The following GRM8 variants were observed in gnomAD, a reference collection of about 807,000 sequenced individuals.
The protein encoded by GRM8 is metabotropic glutamate receptor 8.
Under a neutral mutation model 87.2 loss-of-function variants are expected in GRM8, and 47 were observed. That is an observed-to-expected ratio of 0.54 (90% CI 0.43 to 0.69). The LOEUF (loss-of-function observed/expected upper bound fraction) is 0.69, where lower values mean the gene tolerates loss of function less well. Among genes scored for constraint, GRM8 ranks in the 30% least tolerant of loss-of-function variants. The pLI is 0.00. For missense variants in GRM8, 1,019 were observed against 1,139.2 expected, an observed-to-expected ratio of 0.89 and a Z score of 1.52; for synonymous variants, 396 against 404.5, an observed-to-expected ratio of 0.98 and a Z score of 0.25.
At chr7:127,056,711 T>G (rs1820027626) in intron 3 of GRM8, among the ~76,000 whole-genome samples, 2 of 152,358 alleles carry the variant, frequency 1.3e-5, no homozygotes, top group South Asian at 4.1e-4. Flanking sequence ...CTTTGCTTGT[T>G]TAATGTGTAA....
chr7:127,080,193 A>AT (rs1822710596), intron 3 of GRM8, among the ~76,000 whole-genome samples: 1 of 152,300 alleles, frequency 6.6e-6, no homozygotes, highest in East Asian at 1.9e-4. Flanking sequence ...AAAGGTCATC[A>AT]TAAAAAAAAG....
rs1818934957 is a variant in GRM8 at position 127,046,393 on chromosome 7, A to AT, written c.727+60102_727+60103insA. 2.6e-5 allele frequency among the ~76,000 whole-genome samples: 4 copies of AT among 152,292 alleles called. No homozygotes were observed. The South Asian group carries it at 8.3e-4, about 32-fold the overall frequency. ...TCTCAAAAAAAATAAAAAATAAAAA[A>AT]AAAAGAAAATCATTTTTTCTGTTAC... On this transcript the variant is annotated intron_variant, in intron 3 of 10. Coordinates refer to ENST00000339582, the MANE Select transcript of GRM8 (RefSeq NM_000845.3).
At chr7:126,486,362 C>A (rs564791170) in intron 9 of GRM8, among the ~76,000 whole-genome samples, 1 of 152,134 alleles carries the variant, frequency 6.6e-6, no homozygotes, top group Admixed American at 6.5e-5. Flanking sequence ...GTTCAGTATG[C>A]ATGTGTCAGG....
chr7:126,785,285 CTCTTTCGG>C (rs1316788945), intron 6 of GRM8, among the ~76,000 whole-genome samples: 1 of 152,124 alleles, frequency 6.6e-6, no homozygotes, highest in East Asian at 1.9e-4. Flanking sequence ...GTAAAACACC[CTCTTTCGG>C]TCAAGCTCTT....
At chr7:126,910,030 G>T (rs1445869130) in intron 3 of GRM8, among the ~76,000 whole-genome samples, 1 of 151,686 alleles carries the variant, frequency 6.6e-6, no homozygotes, top group Non-Finnish European at 1.5e-5. Context: ...CCTGCCAGTT[G>T]TCCCTTGTAA....
intron 6 of GRM8, among the ~76,000 whole-genome samples, chr7:126,830,458 T>G (rs78886779): frequency 6.6e-6 from 1 of 152,244 alleles, no homozygotes; most frequent in African/African-American, 2.4e-5. Flanking sequence ...TCATTTCATC[T>G]TCCATCACTA....
chr7:126,507,103 A>C (rs529530005), intron 9 of GRM8, among the ~76,000 whole-genome samples: 1 of 151,984 alleles, frequency 6.6e-6, no homozygotes, highest in South Asian at 2.1e-4. Flanking sequence ...TCTCGTGGCA[A>C]TATGCTTTCT....
At chr7:127,161,888 G>A (rs1793140212) in intron 2 of GRM8, among the ~76,000 whole-genome samples, 2 of 151,958 alleles carry the variant, frequency 1.3e-5, no homozygotes, top group African/African-American at 4.8e-5. Flanking sequence ...CTGATTATAC[G>A]ATGTACCCTT....
chr7:126,657,423 C>G (rs558920329), intron 7 of GRM8, among the ~76,000 whole-genome samples: 1 of 152,052 alleles, frequency 6.6e-6, no homozygotes, highest in Non-Finnish European at 1.5e-5. Flanking sequence ...CAACCCCCCC[C>G]CAAAAAAGTC....
At chr7:126,828,311 G>A (rs1795020221) in intron 6 of GRM8, among the ~76,000 whole-genome samples, 1 of 152,130 alleles carries the variant, frequency 6.6e-6, no homozygotes, top group African/African-American at 2.4e-5. Context: ...TTGTACCTCT[G>A]GTAGAATTCG....
At chr7:126,440,428 A>AG (rs994452980) in intron 10 of GRM8, among the ~76,000 whole-genome samples, 3 of 150,990 alleles carry the variant, frequency 2.0e-5, no homozygotes, top group African/African-American at 7.3e-5. Flanking sequence ...AAAAAAAAAA[A>AG]AAAAAATTTA....
intron 6 of GRM8, among the ~76,000 whole-genome samples, chr7:126,833,999 G>A (rs911946874): frequency 6.6e-6 from 1 of 152,124 alleles, no homozygotes; most frequent in Non-Finnish European, 1.5e-5. Context: ...AAGCAGAAGG[G>A]ATTGCTTGCA....
chr7:126,982,852 T>C (rs1294049771), intron 3 of GRM8, among the ~76,000 whole-genome samples: 1 of 152,200 alleles, frequency 6.6e-6, no homozygotes, highest in Non-Finnish European at 1.5e-5. Flanking sequence ...GACCCAAACC[T>C]TCATTCCTGA....
chr7:127,174,047 C>T (rs1437955631), intron 2 of GRM8, among the ~76,000 whole-genome samples: 1 of 152,100 alleles, frequency 6.6e-6, no homozygotes, highest in Non-Finnish European at 1.5e-5. Context: ...GGAATGAACA[C>T]CAGAAACATT....
At chr7:127,131,432 T>G (rs187023542) in intron 2 of GRM8, among the ~76,000 whole-genome samples, 2 of 152,324 alleles carry the variant, frequency 1.3e-5, no homozygotes, top group Non-Finnish European at 1.5e-5. Flanking sequence ...TTTTGATTTT[T>G]GATATAAAGC....
chr7:126,446,480 C>T (rs1447236428), intron 9 of GRM8, 108 bp from the exon 10 acceptor site: 2 of 686,354 alleles, frequency 2.9e-6, no homozygotes, highest in East Asian at 2.7e-5. Flanking sequence ...GCTAAAGGCA[C>T]ATTAAAAGGC....
At chr7:127,251,797 A>C (rs1004313350) in intron 1 of GRM8, among the ~76,000 whole-genome samples, 18 of 152,112 alleles carry the variant, frequency 1.2e-4, no homozygotes, top group African/African-American at 4.3e-4. Context: ...TTGCTTTTTA[A>C]ACAAGATCCC....
intron 8 of GRM8, among the ~76,000 whole-genome samples, chr7:126,574,139 C>G (rs1461861382): frequency 1.3e-5 from 2 of 152,186 alleles, no homozygotes; most frequent in Admixed American, 1.3e-4. Context: ...GACACTGTTA[C>G]CATCACCCAC....
chr7:126,998,687 C>A (rs1813418691), intron 3 of GRM8, among the ~76,000 whole-genome samples: 1 of 150,656 alleles, frequency 6.6e-6, no homozygotes, highest in South Asian at 2.1e-4. Flanking sequence ...AAACGAAATA[C>A]AAAGGAATTA....
Sources: gnomAD v4.1 joint callset for allele counts (sites outside exome capture counted in the v4.1 genomes callset) on GRCh38, gnomAD v4.1.1 for gene constraint, MANE v1.5 for transcripts, NCBI Gene and HGNC (gene_info 2026-07-23, HGNC 2026-07-21) for gene names.